The following XG variants were observed in gnomAD, a reference collection of about 807,000 sequenced individuals.
XG encodes glycoprotein Xg.
Under a neutral mutation model 25.7 loss-of-function variants are expected in XG, and 24 were observed. The observed-to-expected ratio is 0.93, with a 90% CI of 0.68 to 1.31. The LOEUF (loss-of-function observed/expected upper bound fraction) is 1.31. Ranked by LOEUF, XG falls within the 40% of genes most tolerant of loss-of-function variation. XG has a pLI of 0.00. For missense variants in XG, 181 were observed against 187.6 expected (o/e 0.96, Z 0.21); for synonymous variants, 77 against 69.2 (o/e 1.11, Z -0.56).
At chrX:2,803,005 A>T (rs1363960584) in intron 7 of XG, among the ~76,000 whole-genome samples, 3 of 111,746 alleles carry the variant, frequency 2.7e-5, no homozygotes, top group African/African-American at 9.8e-5. Context: ...GGCACGATGC[A>T]GTCGGTTAGG....
At chrX:2,803,601 G>A (rs58676280) in intron 7 of XG, among the ~76,000 whole-genome samples, 6,061 of 109,299 alleles carry the variant, frequency 0.055, 447 homozygotes, top group African/African-American at 0.19. Flanking sequence ...GGAACCATAG[G>A]GGGGTGAAGT....
chrX:2,803,466 C>G (rs962358003), intron 7 of XG, among the ~76,000 whole-genome samples: 1 of 111,300 alleles, frequency 9.0e-6, no homozygotes, highest in South Asian at 3.9e-4. Flanking sequence ...CAGCTGTGCC[C>G]GAGACCAGAG....
chrX:2,813,890 A>G (rs1169286546), intron 10 of XG, among the ~76,000 whole-genome samples: 3 of 112,763 alleles, frequency 2.7e-5, no homozygotes, highest in Non-Finnish European at 5.6e-5. Context: ...GTCAAAAACA[A>G]TGTTTTCAAA....
chrX:2,759,518 T>C (rs2050516072), intron 1 of XG, among the ~76,000 whole-genome samples: 1 of 152,200 alleles, frequency 6.6e-6, no homozygotes, highest in South Asian at 2.1e-4. Flanking sequence ...CCATAGGGCA[T>C]AGAGCCATGG....
chrX:2,786,690 G>T, intron 4 of XG, among the ~76,000 whole-genome samples: 1 of 111,673 alleles, frequency 9.0e-6, no homozygotes, highest in Non-Finnish European at 1.9e-5. Flanking sequence ...TCCTCAGAAT[G>T]TGACTGTCTT....
intron 1 of XG, among the ~76,000 whole-genome samples, chrX:2,754,249 C>T (rs1362674422): frequency 1.3e-5 from 2 of 152,064 alleles, no homozygotes; most frequent in African/African-American, 2.4e-5. Flanking sequence ...CAGGCATTTG[C>T]CGCTGTGCCT....
intron 7 of XG, among the ~76,000 whole-genome samples, chrX:2,803,912 G>A (rs1176971253): frequency 1.8e-5 from 2 of 108,946 alleles, no homozygotes; most frequent in South Asian, 4.0e-4. Flanking sequence ...GTGTGATCTC[G>A]GCTCACTGCA....
rs770573875 is a variant in XG, at chrX:2,794,548, T to C, written c.267T>C (p.Asp89=). 8.3e-7 allele frequency: 1 copy of C among 1,210,107 alleles called. No homozygotes were observed. The highest frequency in any genetic ancestry group is 3.0e-5 in the East Asian group (1 of 33,697). The change falls in exon 6 of 11, where the codon GAT becomes GAC. Residue 89 remains aspartate (D), a synonymous_variant. Transcript: ENST00000644266. The part of the protein sequence containing the change: ...NSGNSGGYFN[D]VDRDDGRYPP... ...TCTGCCCCACAGGTTACTTCAATGA[T>C]GTGGACCGTGATGACGGACGCTACC...
At chrX:2,799,450 AAG>A (rs1217311697) in intron 7 of XG, among the ~76,000 whole-genome samples, 3 of 111,622 alleles carry the variant, frequency 2.7e-5, no homozygotes, top group Admixed American at 9.6e-5. Context: ...GGTAGGGAAA[AAG>A]AGTTATTCAT....
chrX:2,802,915 T>C (rs1242813658), intron 7 of XG, among the ~76,000 whole-genome samples: 1 of 111,113 alleles, frequency 9.0e-6, no homozygotes, highest in Non-Finnish European at 1.9e-5. Flanking sequence ...TTATCTTTGT[T>C]TGAATGTTAA....
chrX:2,756,174 C>A (rs942371892), intron 1 of XG, among the ~76,000 whole-genome samples: 42 of 152,234 alleles, frequency 2.8e-4, no homozygotes, highest in African/African-American at 9.4e-4. Context: ...ATTTTAGCAG[C>A]CCTACATTTC....
intron 1 of XG, among the ~76,000 whole-genome samples, chrX:2,757,777 G>T (rs1375525708): frequency 6.6e-6 from 1 of 151,614 alleles, no homozygotes. Flanking sequence ...TTTGAGACCA[G>T]CCTGGCCAAC....
In XG at chrX:2,805,952, A is replaced by G. The variant is rs2086992899; in HGVS notation, c.374-749A>G. On this transcript the variant is annotated intron_variant, in intron 7 of 10. Transcript: ENST00000644266. ...AGTCATTCCACTTCAAAATCAGCAC[A>G]AAGCATTAGTTTTAAAAATCTCAAA... Among the ~76,000 whole-genome samples, 3 of 112,311 alleles carry G rather than the reference A, an allele frequency of 2.7e-5. No homozygotes were observed. In the South Asian group the frequency reaches 1.1e-3, roughly 42 times the overall value.
intron 2 of XG, among the ~76,000 whole-genome samples, chrX:2,773,582 A>AGAGGGAAGGAAGGAGC (rs2050891462): frequency 1.6e-5 from 1 of 60,890 alleles, no homozygotes; most frequent in Non-Finnish European, 3.5e-5. Context: ...AAGGAAGGAG[A>AGAGGGAAGGAAGGAGC]GAAGGAAGGA....
chrX:2,784,569 CAA>C (rs71866753), intron 4 of XG, among the ~76,000 whole-genome samples: 44 of 53,182 alleles, frequency 8.3e-4, no homozygotes, highest in African/African-American at 2.0e-3. Flanking sequence ...GACTCCGTCT[CAA>C]AAAAAAAAAA....
At chrX:2,810,196 T>C (rs1049887567) in intron 9 of XG, among the ~76,000 whole-genome samples, 2 of 112,152 alleles carry the variant, frequency 1.8e-5, no homozygotes, top group African/African-American at 6.5e-5. Context: ...TGCCATGTAT[T>C]GGCCCAGGTG....
chrX:2,757,404 T>C (rs1228672722), intron 1 of XG, among the ~76,000 whole-genome samples: 3 of 151,050 alleles, frequency 2.0e-5, no homozygotes, highest in Non-Finnish European at 2.9e-5. Context: ...GGGCCTTTGC[T>C]GGGGAACTGC....
chrX:2,770,471 G>C, intron 1 of XG, 79 bp from the exon 2 acceptor site: 1 of 1,552,662 alleles, frequency 6.4e-7, no homozygotes, highest in Admixed American at 1.7e-5. Context: ...AGGAGGAGGG[G>C]AGCAGCATGA....
chrX:2,774,209 C>G (rs1414496508), intron 2 of XG, among the ~76,000 whole-genome samples: 1 of 152,152 alleles, frequency 6.6e-6, no homozygotes, highest in Non-Finnish European at 1.5e-5. Flanking sequence ...CCTCGTCTGC[C>G]CATCCACACT....
Sources: allele counts gnomAD v4.1 joint callset (sites outside exome capture counted in the v4.1 genomes callset), GRCh38; gene constraint gnomAD v4.1.1; transcripts MANE v1.5; gene names NCBI Gene and HGNC (gene_info 2026-07-23, HGNC 2026-07-21).